Variants in FLG observed in about 807,000 individuals in gnomAD.
FLG encodes the protein epidermal filaggrin.
Under a neutral mutation model 3.8 loss-of-function variants are expected in FLG, and 6 were observed. The observed-to-expected ratio is 1.60, with a 90% CI of 0.87 to 3.15. The LOEUF (loss-of-function observed/expected upper bound fraction) is 3.15, where lower values mean the gene tolerates loss of function less well. FLG is among the 30% of genes most tolerant of loss of function. The pLI is 0.00. For missense variants in FLG, 7,595 were observed against 5,050.9 expected (o/e 1.50, Z -15.27); for synonymous variants, 2,551 against 1,931.6 (o/e 1.32, Z -8.41).
chr1:152,313,549 C>G lies in FLG; in HGVS notation c.1337G>C (p.Arg446Thr). 1 of 1,613,714 alleles carries G rather than the reference C, an allele frequency of 6.2e-7. No individual in the cohort carries two copies. Among genetic ancestry groups the G allele is most frequent in the Non-Finnish European group, 8.5e-7 (1 of 1,179,878 alleles). The part of the protein sequence containing the change: ...SVSGHGKAGL[R>T]QQSHQESTRG... ...TGTGGACTCTTGGTGGCTCTGCTGT[C>G]TCAGCCCAGCCTTTCCGTGGCCTGA... The change falls in exon 3 of 3, where the codon AGA (arginine) becomes ACA (threonine). Residue 446 changes from arginine (R) to threonine (T), a missense_variant. Coordinates refer to ENST00000368799, the MANE Select transcript of FLG (RefSeq NM_002016.2).
At position 152,312,247 on chromosome 1, in the gene FLG, G is replaced by T. The variant is rs754201216; in HGVS notation, c.2639C>A (p.Ser880Tyr). ...HHSHTTSQGR[S>Y]DASRGQSGSR... is the part of the protein sequence containing the mutation. ...TCCTGACTGCCCACGGGAGGCATCA[G>T]ACCTTCCCTGGGATGTGGTGTGGCT... Residue 880 changes from serine to tyrosine, a missense_variant, in exon 3 of 3, where the codon TCT becomes TAT. By Grantham distance (144) the Ser-to-Tyr change is moderately radical. Transcript: ENST00000368799. 3.1e-6 allele frequency: 5 copies of T among 1,613,912 alleles called. No individual in the cohort carries two copies. The Admixed American group carries it at 5.0e-5, about 16-fold the overall frequency.
In FLG at chr1:152,311,499, A is replaced by T; in HGVS notation, c.3387T>A (p.Ser1129=). The T allele has an allele frequency of 6.2e-7, 1 of 1,613,136 alleles. No homozygotes were observed. The highest frequency in any genetic ancestry group is 8.5e-7 in the Non-Finnish European group (1 of 1,179,720). Residue 1129 remains serine (S), a synonymous_variant, in exon 3 of 3, where the codon TCT becomes TCA. Transcript: ENST00000368799. The part of the protein sequence containing the change: ...YQVSTHEQSE[S]AHGRTRTSTG... ...TGCTGGTCCTGGTCCGCCCATGGGC[A>T]GACTCAGACTGTTCATGAGTGCTCA...
Position 152,305,748 on chromosome 1 carries a change from C to A in FLG, c.9138G>T (p.Glu3046Asp). The part of the protein sequence containing the change: ...QAGSHQQSHQ[E>D]SARGRSGETS... Reference sequence around the variant, plus strand: ...TTTCCCCTGACCGGCCACGTGCGGACTCTTGGTGGCTCTGCTGATGGGACC... The same window carrying A: ...TTTCCCCTGACCGGCCACGTGCGGAATCTTGGTGGCTCTGCTGATGGGACC... Residue 3046 changes from glutamate (E) to aspartate (D), a missense_variant, in exon 3 of 3, where the codon GAG (glutamate) becomes GAT (aspartate). Glu to Asp is a conservative substitution (Grantham distance 45). Transcript: ENST00000368799. 1 of 1,161,732 alleles carries A rather than the reference C, an allele frequency of 8.6e-7. No homozygotes were observed. The highest frequency in any genetic ancestry group is 2.7e-5 in the East Asian group (1 of 37,054). 72.0% of individuals were successfully genotyped at this position (1,161,732 alleles called of 1,614,324 possible).
chr1:152,310,296 G>C lies in FLG; in HGVS notation c.4590C>G (p.Ala1530=). The part of the protein sequence containing the change: ...SHTTPQGRSD[A]SHGQSGPRSA... Reference sequence around the variant, plus strand: ...TTCTGGGTCCTGACTGCCCATGGGAGGCATCAGACCTTCCCTGGGGTGTGG... The same window carrying C: ...TTCTGGGTCCTGACTGCCCATGGGACGCATCAGACCTTCCCTGGGGTGTGG... Residue 1530 remains alanine, a synonymous_variant, in exon 3 of 3, where the codon GCC becomes GCG. Coordinates refer to ENST00000368799, the MANE Select transcript of FLG (RefSeq NM_002016.2). 1 of 1,613,856 alleles carries C rather than the reference G, an allele frequency of 6.2e-7. No individual in the cohort carries two copies. Among genetic ancestry groups the C allele is most frequent in the Non-Finnish European group, 8.5e-7 (1 of 1,179,972 alleles).
Position 152,308,866 on chromosome 1 carries a change from G to A in FLG, c.6020C>T (p.Ser2007Phe), listed in dbSNP as rs1330658133. 2 of 1,614,160 alleles carry A rather than the reference G, an allele frequency of 1.2e-6. No homozygotes were observed. Among genetic ancestry groups the A allele is most frequent in the South Asian group, 1.1e-5 (1 of 91,074 alleles). Residue 2007 changes from serine (S) to phenylalanine (F), a missense_variant, in exon 3 of 3, where the codon TCC becomes TTC. By Grantham distance (155) the Ser-to-Phe change is radical (BLOSUM62 -2). Transcript: ENST00000368799. Reference sequence around the variant, plus strand: ...GTCTGCTGACTGGAGCTGGTGGTGGGATCCATGTCTTTCTCCTGCACTTGA... The same window carrying A: ...GTCTGCTGACTGGAGCTGGTGGTGGAATCCATGTCTTTCTCCTGCACTTGA... Reference protein sequence around the residue: ...ARSSAGERHGSHHQLQSADSS... With the variant: ...ARSSAGERHGFHHQLQSADSS...
chr1:152,310,617 G>C lies in FLG; in HGVS notation c.4269C>G (p.His1423Gln), dbSNP rs369287142. 1.7e-5 allele frequency: 27 copies of C among 1,613,988 alleles called. No homozygotes were observed. In the African/African-American group the frequency reaches 3.3e-4, roughly 20 times the overall value. The change falls in exon 3 of 3, where the codon CAC becomes CAG. Residue 1423 changes from histidine to glutamine, a missense_variant. His to Gln is a conservative substitution (Grantham distance 24, BLOSUM62 0). Coordinates refer to ENST00000368799, the MANE Select transcript of FLG (RefSeq NM_002016.2). Reference protein sequence around the residue: ...HGQAGPHQQSHKESARGQSGE... With the variant: ...HGQAGPHQQSQKESARGQSGE... ...CTGACTGGCCACGTGCGGACTCTTT[G>C]TGGCTCTGCTGATGGGGCCCAGCTT...
intron 1 of FLG, among the ~76,000 whole-genome samples, chr1:152,322,520 A>T (rs950356133): frequency 2.6e-5 from 4 of 151,228 alleles, no homozygotes; most frequent in African/African-American, 9.7e-5. Context: ...AAGCATAAAA[A>T]AATCAGAAAA....
chr1:152,303,102 A>G lies in FLG; in HGVS notation c.11784T>C (p.His3928=), dbSNP rs974922016. The G allele has an allele frequency of 1.2e-6, 2 of 1,614,030 alleles. No individual in the cohort carries two copies. Among genetic ancestry groups the G allele is most frequent in the Non-Finnish European group, 1.7e-6 (2 of 1,180,030 alleles). The change falls in exon 3 of 3, where the codon CAT becomes CAC. Residue 3928 remains histidine, a synonymous_variant. Coordinates refer to ENST00000368799, the MANE Select transcript of FLG (RefSeq NM_002016.2). The part of the protein sequence containing the change: ...VQSDSSTAKE[H]GHFSSLSQDS... ...CTTGTGAAAGACTACTAAAGTGACCATGTTCCTTAGCGGTACTAGAGTCTG... is the reference window on the plus strand; with the variant it reads ...CTTGTGAAAGACTACTAAAGTGACCGTGTTCCTTAGCGGTACTAGAGTCTG...
rs200240824 is a variant in FLG, at chr1:152,305,228, C to T, written c.9658G>A (p.Asp3220Asn). ...RQGSSVSQDSDSEGHSEDSER... is the reference protein window; with the variant it reads ...RQGSSVSQDSNSEGHSEDSER... Reference sequence around the variant, plus strand: ...GAGTCTTCTGAATGTCCCTCACTGTCACTGTCCTGGCTCACACTGGATCCC... The same window carrying T: ...GAGTCTTCTGAATGTCCCTCACTGTTACTGTCCTGGCTCACACTGGATCCC... The change falls in exon 3 of 3, where the codon GAC becomes AAC. Residue 3220 changes from aspartate to asparagine, a missense_variant. Asp to Asn is a conservative substitution (Grantham distance 23). Transcript: ENST00000368799. The T allele has an allele frequency of 1.2e-6, 2 of 1,613,214 alleles. No homozygotes were observed. The highest frequency in any genetic ancestry group is 1.3e-5 in the African/African-American group (1 of 74,726).
chr1:152,315,560 A>T, intron 1 of FLG, 83 bp from the exon 2 acceptor site: 2 of 1,136,372 alleles, frequency 1.8e-6, no homozygotes, highest in South Asian at 2.9e-5. Flanking sequence ...CACATTTTAA[A>T]CCTACATTTT....
Position 152,302,677 on chromosome 1 carries a change from T to G in FLG, c.*23A>C, listed in dbSNP as rs371451436. The G allele has an allele frequency of 4.3e-6, 7 of 1,612,708 alleles. No homozygotes were observed. Among genetic ancestry groups the G allele is most frequent in the Non-Finnish European group, 5.9e-6 (7 of 1,179,392 alleles). ...CTTGCTTCATTCTTCTATTCTTGGA[T>G]TAATTCCTTTGCCATTAATTTCTTA... On this transcript the variant is annotated 3_prime_UTR_variant, in exon 3 of 3. Transcript: ENST00000368799.
chr1:152,302,433 C>G lies in FLG; in HGVS notation c.*267G>C. On this transcript the variant is annotated 3_prime_UTR_variant, in exon 3 of 3. Transcript: ENST00000368799. ...CAAAAACATAAAACATTACTTGACC[C>G]AGAATCTCCTAAAATACTCCAGCTA... 2.2e-6 allele frequency: 1 copy of G among 459,134 alleles called. No individual in the cohort carries two copies. The highest frequency in any genetic ancestry group is 3.9e-6 in the Non-Finnish European group (1 of 259,154). 28.4% of individuals were successfully genotyped at this position (459,134 alleles called of 1,614,324 possible). A position where few individuals can be genotyped will look rare whatever the true frequency, so the allele number is the denominator to read the frequency against.
Position 152,310,985 on chromosome 1 carries a change from G to T in FLG, c.3901C>A (p.Gln1301Lys). 6.2e-7 allele frequency: 1 copy of T among 1,613,954 alleles called. No individual in the cohort carries two copies. The highest frequency in any genetic ancestry group is 8.5e-7 in the Non-Finnish European group (1 of 1,179,978). Reference protein sequence around the residue: ...SRNHHGSSREQSRDGSRHPGF... With the variant: ...SRNHHGSSREKSRDGSRHPGF... Reference sequence around the variant, plus strand: ...GGGTGTCTGGAGCCATCTCTTGACTGCTCCCGAGAAGATCCATGATGGTTT... The same window carrying T: ...GGGTGTCTGGAGCCATCTCTTGACTTCTCCCGAGAAGATCCATGATGGTTT... The change falls in exon 3 of 3, where the codon CAG becomes AAG. Residue 1301 changes from glutamine (Q) to lysine (K), a missense_variant. By Grantham distance (53) the Gln-to-Lys change is moderately conservative. Coordinates refer to ENST00000368799, the MANE Select transcript of FLG (RefSeq NM_002016.2).
rs755728693 is a variant in FLG, at chr1:152,312,192, A to C, written c.2694T>G (p.Asn898Lys). 19 of 1,603,542 alleles carry C rather than the reference A, an allele frequency of 1.2e-5. No homozygotes were observed. In the Admixed American group the frequency reaches 1.7e-4, roughly 14 times the overall value. The change falls in exon 3 of 3, where the codon AAT becomes AAG. Residue 898 changes from asparagine to lysine, a missense_variant. Asn to Lys is a moderately conservative substitution (Grantham distance 94). Coordinates refer to ENST00000368799, the MANE Select transcript of FLG (RefSeq NM_002016.2). ...GSRSASRTTR[N>K]EEQSRDGSRH... ...TGGAGCCGTCTCTTGATTGTTCCTC[A>C]TTACGTGTTGTTCTGCTTGCACTTC...
chr1:152,313,203 C>T lies in FLG; in HGVS notation c.1683G>A (p.Gln561=). The part of the protein sequence containing the change: ...SQGRSDASHG[Q]SGSRSASRQT... ...GTCTGCTTGCACTTCTGGATCCTGA[C>T]TGCCCATGGGAGGCATCAGACCTTC... is the stretch of plus-strand genomic sequence containing the variant. Residue 561 remains glutamine (Q), a synonymous_variant, in exon 3 of 3, where the codon CAG becomes CAA. Coordinates refer to ENST00000368799, the MANE Select transcript of FLG (RefSeq NM_002016.2). 3 of 1,613,884 alleles carry T rather than the reference C, an allele frequency of 1.9e-6. No homozygotes were observed. Among genetic ancestry groups the T allele is most frequent in the Non-Finnish European group, 2.5e-6 (3 of 1,180,004 alleles).
At position 152,313,353 on chromosome 1, in the gene FLG, C is replaced by T. The variant is rs756203240; in HGVS notation, c.1533G>A (p.Glu511=). The T allele has an allele frequency of 1.2e-6, 2 of 1,612,834 alleles. No homozygotes were observed. The highest frequency in any genetic ancestry group is 1.7e-5 in the Admixed American group (1 of 59,954). ...RDSSRHSASQ[E]GQDTIRGHPG... The stretch of plus-strand genomic sequence containing the variant: ...GGTGTCCACGAATGGTGTCCTGACC[C>T]TCTTGGGACGCTGAATGCCTGGAGC... The change falls in exon 3 of 3, where the codon GAG becomes GAA. Residue 511 remains glutamate (E), a synonymous_variant. Coordinates refer to ENST00000368799, the MANE Select transcript of FLG (RefSeq NM_002016.2).
rs762606982 is a variant in FLG, at chr1:152,309,570, A to T, written c.5316T>A (p.His1772Gln). 2 of 1,613,656 alleles carry T rather than the reference A, an allele frequency of 1.2e-6. No individual in the cohort carries two copies. Among genetic ancestry groups the T allele is most frequent in the South Asian group, 1.1e-5 (1 of 91,040 alleles). The stretch of plus-strand genomic sequence containing the variant: ...GTCCATGGGCGGACTCAGACTGTTC[A>T]TGAGTGCTCACCTGGTAGAGGAAAG... ...SGSFLYQVST[H>Q]EQSESAHGRT... is the part of the protein sequence containing the mutation. The change falls in exon 3 of 3, where the codon CAT (histidine) becomes CAA (glutamine). Residue 1772 changes from histidine to glutamine, a missense_variant. Transcript: ENST00000368799.
Position 152,307,329 on chromosome 1 carries a change from G to T in FLG, c.7557C>A (p.Asn2519Lys), listed in dbSNP as rs113878714. ...TGGAGCCGTCTCCTGATTGTTCATC[G>T]TTACGAGTTTGTCTGCTTGCACTTC... ...GSRSASRQTR[N>K]DEQSGDGSRH... Residue 2519 changes from asparagine to lysine, a missense_variant, in exon 3 of 3, where the codon AAC (asparagine) becomes AAA (lysine). Physicochemically the swap from Asn to Lys is moderately conservative, Grantham distance 94 (BLOSUM62 0). Coordinates refer to ENST00000368799, the MANE Select transcript of FLG (RefSeq NM_002016.2). 6.2e-7 allele frequency: 1 copy of T among 1,612,698 alleles called. No homozygotes were observed. The highest frequency in any genetic ancestry group is 1.3e-5 in the African/African-American group (1 of 74,644).
chr1:152,308,927 G>A lies in FLG; in HGVS notation c.5959C>T (p.Arg1987Cys), dbSNP rs759362184. Residue 1987 changes from arginine to cysteine, a missense_variant, in exon 3 of 3, where the codon CGT becomes TGT. By Grantham distance (180) the Arg-to-Cys change is radical. Coordinates refer to ENST00000368799, the MANE Select transcript of FLG (RefSeq NM_002016.2). ...SGTRHTESSS[R>C]GQAASSHEQA... ...TCATGGGATGACGCAGCCTGTCCAC[G>A]AGAGGAAGACTCTGTGTGACGAGTG... The A allele has an allele frequency of 1.2e-5, 20 of 1,613,982 alleles. No individual in the cohort carries two copies. Among genetic ancestry groups the A allele is most frequent in the Middle Eastern group, 3.3e-4 (2 of 6,084 alleles).
Sources: gnomAD v4.1 joint callset for allele counts (sites outside exome capture counted in the v4.1 genomes callset) on GRCh38, gnomAD v4.1.1 for gene constraint, MANE v1.5 for transcripts, NCBI Gene and HGNC (gene_info 2026-07-23, HGNC 2026-07-21) for gene names.